AP1S2: variants seen among roughly 807,000 people sequenced by gnomAD.
AP1S2 encodes the protein adaptor related protein complex 1 subunit sigma 2, also known as AP-1 complex subunit sigma-2.
In AP1S2, 1 loss-of-function variant was observed where a neutral mutation model predicts 14.3. The ratio of observed to expected loss-of-function variants is 0.07; its 90% CI spans 0.02 to 0.33. The LOEUF (loss-of-function observed/expected upper bound fraction) is 0.33. Among genes scored for constraint, AP1S2 ranks in the 10% least tolerant of loss-of-function variants. The probability of loss-of-function intolerance (pLI) is 0.99; values close to 1 mark genes in which losing one functional copy is unlikely to be tolerated. For missense variants in AP1S2, 30 were observed against 117.7 expected, an observed-to-expected ratio of 0.25 and a Z score of 3.45; for synonymous variants, 30 against 40.5, an observed-to-expected ratio of 0.74 and a Z score of 0.99.
chrX:15,827,470 A>G (rs1477054686), intron 5 of AP1S2, 98 bp from the exon 6 acceptor site: 2 of 829,876 alleles, frequency 2.4e-6, no homozygotes, highest in Admixed American at 4.5e-5. Flanking sequence ...TAGAGAATCA[A>G]GAAAGCAATT....
intron 4 of AP1S2, chrX:15,831,969 C>A (rs1209860897): frequency 4.0e-6 from 3 of 746,050 alleles, no homozygotes; most frequent in Non-Finnish European, 4.7e-6. Context: ...AACTAAAGAA[C>A]CTAGAGAAAA....
At chrX:15,834,441 TATATATA>T (rs1321245933) in intron 4 of AP1S2, among the ~76,000 whole-genome samples, 1 of 20,954 alleles carries the variant, frequency 4.8e-5, no homozygotes, top group Non-Finnish European at 7.3e-5. Flanking sequence ...CCTTCCAAAA[TATATATA>T]TATATATATA....
At position 15,827,154 on chromosome X, in the gene AP1S2, TAACTA is replaced by T; in HGVS notation, c.*166_*170del. The T allele has an allele frequency of 2.0e-6, 1 of 494,354 alleles. No individual in the cohort carries two copies. Among genetic ancestry groups the T allele is most frequent in the Admixed American group, 2.9e-5 (1 of 34,093 alleles). The allele number at this position is 494,354 out of a possible 1,213,427, so 40.7% of individuals were successfully genotyped here. A position where few individuals can be genotyped will look rare whatever the true frequency, so the allele number is the denominator to read the frequency against. Reference sequence around the variant, plus strand: ...ATATTTAAGTCCCTTATCACTTAATTAACTAAAGTTCCCTTTTAAAAAAAAATTGT... The same window carrying T: ...ATATTTAAGTCCCTTATCACTTAATTAAGTTCCCTTTTAAAAAAAAATTGT... On this transcript the variant is annotated 3_prime_UTR_variant, in exon 6 of 6. Transcript: ENST00000672987.
At chrX:15,827,490 A>G (rs1250142427) in intron 5 of AP1S2, 118 bp from the exon 6 acceptor site, 11 of 690,779 alleles carry the variant, frequency 1.6e-5, no homozygotes, top group Non-Finnish European at 2.1e-5. Context: ...TTCGTGTCAC[A>G]GTAGCATTCT....
chrX:15,835,949 A>AAAT (rs1031839272), intron 4 of AP1S2, among the ~76,000 whole-genome samples: 8 of 110,324 alleles, frequency 7.3e-5, no homozygotes, highest in East Asian at 5.6e-4. Context: ...ACAAAAAATA[A>AAAT]AATAATAATA....
Position 15,854,695 on chromosome X carries a change from G to A in AP1S2, c.-8C>T, listed in dbSNP as rs1934288936. On this transcript the variant is annotated 5_prime_UTR_variant, in exon 1 of 6. Transcript: ENST00000672987. ...TCGCCCCCAGGGACTTACGGCGGCC[G>A]CGGGCCGCGGGCGCGGCGGAGCTTG... 2 of 758,461 alleles carry A rather than the reference G, an allele frequency of 2.6e-6. No homozygotes were observed. The highest frequency in any genetic ancestry group is 5.4e-5 in the South Asian group (1 of 18,691). 62.5% of individuals were successfully genotyped at this position (758,461 alleles called of 1,213,427 possible).
chrX:15,845,264 C>A, intron 4 of AP1S2, 115 bp downstream of exon 4: 1 of 1,156,460 alleles, frequency 8.6e-7, no homozygotes, highest in South Asian at 2.0e-5. Flanking sequence ...CATGGATGGA[C>A]ACTACATGAC....
intron 2 of AP1S2, among the ~76,000 whole-genome samples, chrX:15,847,293 C>A (rs975613122): frequency 9.8e-6 from 1 of 101,525 alleles, no homozygotes; most frequent in African/African-American, 3.7e-5. Context: ...CAAGTACTAT[C>A]TTTCATCCTT....
intron 4 of AP1S2, chrX:15,845,047 G>A: frequency 5.3e-6 from 4 of 748,592 alleles, no homozygotes; most frequent in Non-Finnish European, 6.3e-6. Flanking sequence ...AGCAATAGAT[G>A]GAGAGTTCTC....
chrX:15,831,361 A>C (rs1350179057), intron 4 of AP1S2: 1 of 749,378 alleles, frequency 1.3e-6, no homozygotes, highest in East Asian at 1.5e-4. Flanking sequence ...AATAAAACAG[A>C]AAAGTTTGGA....
At chrX:15,839,807 C>A (rs1412986440) in intron 4 of AP1S2, among the ~76,000 whole-genome samples, 1 of 111,136 alleles carries the variant, frequency 9.0e-6, no homozygotes, top group Non-Finnish European at 1.9e-5. Context: ...TTAATTATAT[C>A]AAGAGCTGAC....
intron 2 of AP1S2, among the ~76,000 whole-genome samples, chrX:15,849,878 G>C (rs1934118832): frequency 9.0e-6 from 1 of 111,494 alleles, no homozygotes; most frequent in Middle Eastern, 4.6e-3. Flanking sequence ...GTCCTTCACA[G>C]CAAAGTTCCC....
At chrX:15,849,753 CCA>C (rs1934112800) in intron 2 of AP1S2, among the ~76,000 whole-genome samples, 1 of 111,262 alleles carries the variant, frequency 9.0e-6, no homozygotes, top group African/African-American at 3.3e-5. Flanking sequence ...TTTTCCTCCT[CCA>C]CACGGGGGAC....
chrX:15,854,779 G>C lies in AP1S2; in HGVS notation c.-92C>G. On this transcript the variant is annotated 5_prime_UTR_variant, in exon 1 of 6. Transcript: ENST00000672987. ...CCTGTCGCCGTGCTGAGGAAGAGAA[G>C]CCGTGGTGCTGTGGGGAGGACACCC... 2 of 814,127 alleles carry C rather than the reference G, an allele frequency of 2.5e-6. No homozygotes were observed. The highest frequency in any genetic ancestry group is 3.0e-6 in the Non-Finnish European group (2 of 675,020). 67.1% of individuals were successfully genotyped at this position (814,127 alleles called of 1,213,427 possible).
chrX:15,845,044 G>GA, intron 4 of AP1S2: 3 of 748,026 alleles, frequency 4.0e-6, no homozygotes, highest in Non-Finnish European at 4.7e-6. Flanking sequence ...TGAAGCAATA[G>GA]ATGGAGAGTT....
Position 15,854,678 on chromosome X carries a change from A to C in AP1S2, c.-1+10T>G. 2 of 632,925 alleles carry C rather than the reference A, an allele frequency of 3.2e-6. No individual in the cohort carries two copies. The highest frequency in any genetic ancestry group is 3.8e-6 in the Non-Finnish European group (2 of 526,773). 52.2% of individuals were successfully genotyped at this position (632,925 alleles called of 1,213,427 possible). Reference sequence around the variant, plus strand: ...ATCCCCGGCGCCCCCTTTCGCCCCCAGGGACTTACGGCGGCCGCGGGCCGC... The same window carrying C: ...ATCCCCGGCGCCCCCTTTCGCCCCCCGGGACTTACGGCGGCCGCGGGCCGC... On this transcript the variant is annotated intron_variant, in intron 1 of 5. Coordinates refer to ENST00000672987, the MANE Select transcript of AP1S2 (RefSeq NM_001272071.2).
At chrX:15,828,231 AGAG>A in intron 4 of AP1S2, 31 bp from the exon 5 acceptor site, 1 of 1,082,198 alleles carries the variant, frequency 9.2e-7, no homozygotes, top group Non-Finnish European at 1.2e-6. Flanking sequence ...AGCAAGGAGA[AGAG>A]AAATTATATT....
chrX:15,838,169 T>C (rs1234378583), intron 4 of AP1S2, among the ~76,000 whole-genome samples: 3 of 111,315 alleles, frequency 2.7e-5, no homozygotes, highest in African/African-American at 9.8e-5. Flanking sequence ...TGCAGAATTC[T>C]CAGCAGCATC....
At chrX:15,852,274 C>A in intron 2 of AP1S2, 72 bp downstream of exon 2, 1 of 956,903 alleles carries the variant, frequency 1.0e-6, no homozygotes, top group Non-Finnish European at 1.5e-6. Context: ...AATGTCATCA[C>A]TGAAGTCTGC....
Sources: allele counts gnomAD v4.1 joint callset (sites outside exome capture counted in the v4.1 genomes callset), GRCh38; gene constraint gnomAD v4.1.1; transcripts MANE v1.5; gene names NCBI Gene and HGNC (gene_info 2026-07-23, HGNC 2026-07-21).